Variants in ABCA13 observed in about 807,000 individuals in gnomAD.
ABCA13 encodes ATP binding cassette subfamily A member 13.
A neutral mutation model predicts 478.7 loss-of-function variants in ABCA13; 476 were observed. The observed-to-expected ratio is 0.99, with a 90% CI of 0.92 to 1.07. The LOEUF is 1.07. Ranked by LOEUF, ABCA13 falls within the 50% of genes least tolerant of loss-of-function variation. ABCA13 has a pLI of 0.00. For synonymous variants in ABCA13, 2,252 were observed against 2,158.9 expected (o/e 1.04, Z -1.20); for missense variants, 6,060 against 5,910.6 (o/e 1.03, Z -0.83).
chr7:48,338,248 G>T, intron 28 of ABCA13, 117 bp from the exon 29 acceptor site: 1 of 631,718 alleles, frequency 1.6e-6, no homozygotes, highest in Non-Finnish European at 2.5e-6. Context: ...CTTTTAAGTG[G>T]ATTCAGTTTA....
intron 32 of ABCA13, among the ~76,000 whole-genome samples, chr7:48,371,454 C>T (rs1188793990): frequency 6.6e-6 from 1 of 152,154 alleles, no homozygotes; most frequent in Non-Finnish European, 1.5e-5. Flanking sequence ...TCTCTTATTT[C>T]CTTGAGCAGT....
At chr7:48,329,621 C>T (rs1219454355) in intron 27 of ABCA13, among the ~76,000 whole-genome samples, 1 of 151,844 alleles carries the variant, frequency 6.6e-6, no homozygotes. Flanking sequence ...ATCTGTCCAT[C>T]CATCCATCCA....
chr7:48,243,752 C>T (rs1791240678), intron 10 of ABCA13, among the ~76,000 whole-genome samples: 1 of 152,222 alleles, frequency 6.6e-6, no homozygotes, highest in South Asian at 2.1e-4. Flanking sequence ...AAATGGACGC[C>T]AGGCACTCAA....
intron 38 of ABCA13, among the ~76,000 whole-genome samples, chr7:48,401,915 A>T: frequency 6.6e-6 from 1 of 152,324 alleles, no homozygotes; most frequent in East Asian, 1.9e-4. Context: ...CCAGTTGCAT[A>T]AGATATAATA....
chr7:48,615,882 C>A (rs1264080622), intron 59 of ABCA13, among the ~76,000 whole-genome samples: 1 of 152,156 alleles, frequency 6.6e-6, no homozygotes, highest in Non-Finnish European at 1.5e-5. Context: ...CTAAAGACTT[C>A]TTTCCTGTGC....
chr7:48,471,676 A>C, intron 45 of ABCA13, 77 bp downstream of exon 45: 1 of 1,328,730 alleles, frequency 7.5e-7, no homozygotes, highest in Non-Finnish European at 1.0e-6. Context: ...TATCTATAAA[A>C]TTTTCATATT....
intron 58 of ABCA13, among the ~76,000 whole-genome samples, chr7:48,595,396 T>C (rs181390278): frequency 6.6e-6 from 1 of 152,370 alleles, no homozygotes; most frequent in Non-Finnish European, 1.5e-5. Flanking sequence ...ATACAAATTC[T>C]AATGATGTAA....
chr7:48,524,815 C>T (rs1032720228), intron 54 of ABCA13, among the ~76,000 whole-genome samples: 5 of 152,240 alleles, frequency 3.3e-5, no homozygotes, highest in African/African-American at 7.2e-5. Context: ...TTAAGCCCAT[C>T]TGGCAAAATG....
chr7:48,222,157 C>T (rs141880905), intron 5 of ABCA13, among the ~76,000 whole-genome samples: 1 of 152,130 alleles, frequency 6.6e-6, no homozygotes, highest in South Asian at 2.1e-4. Context: ...AATAATGACA[C>T]TAGCAAAGAG....
At position 48,272,350 on chromosome 7, in the gene ABCA13, G is replaced by A. The variant is rs189083067; in HGVS notation, c.2684G>A (p.Ser895Asn). The A allele has an allele frequency of 3.0e-5, 49 of 1,613,748 alleles. No individual in the cohort carries two copies. The highest frequency in any genetic ancestry group is 2.2e-5 in the East Asian group (1 of 44,860). The change falls in exon 17 of 62, where the codon AGT becomes AAT. Residue 895 changes from serine to asparagine, a missense_variant. Coordinates refer to ENST00000435803, the MANE Select transcript of ABCA13 (RefSeq NM_152701.5). ...ATGAACATAGATTTTGTACGTTTAA[G>A]TGAGGCTATAATAACTAGTCTCCAT... ...PAMNIDFVRL[S>N]EAIITSLHEF...
intron 1 of ABCA13, among the ~76,000 whole-genome samples, chr7:48,182,528 C>G (rs936723770): frequency 9.2e-5 from 14 of 152,072 alleles, no homozygotes; most frequent in Non-Finnish European, 1.8e-4. Flanking sequence ...GAAAGTATTC[C>G]TCATTCATCT....
intron 4 of ABCA13, among the ~76,000 whole-genome samples, chr7:48,219,952 CCTT>C (rs936413761): frequency 6.7e-6 from 1 of 149,548 alleles, no homozygotes; most frequent in Admixed American, 6.7e-5. Context: ...TTCATTTCCT[CCTT>C]CTTGTATATT....
chr7:48,359,861 T>C (rs1810543517), intron 31 of ABCA13, among the ~76,000 whole-genome samples: 1 of 151,946 alleles, frequency 6.6e-6, no homozygotes, highest in Admixed American at 6.5e-5. Flanking sequence ...CTGATAGTGC[T>C]GACAGAGGCA....
intron 23 of ABCA13, among the ~76,000 whole-genome samples, chr7:48,301,738 A>G (rs1230781960): frequency 6.6e-6 from 1 of 152,124 alleles, no homozygotes; most frequent in Non-Finnish European, 1.5e-5. Context: ...CTTGTAATCC[A>G]GGATTCACAG....
At chr7:48,445,492 CT>C (rs1394288500) in intron 42 of ABCA13, among the ~76,000 whole-genome samples, 1 of 152,176 alleles carries the variant, frequency 6.6e-6, no homozygotes, top group African/African-American at 2.4e-5. Flanking sequence ...GATCAAGCTC[CT>C]TCTTGCCCCC....
At chr7:48,312,133 A>G (rs1332577851) in intron 24 of ABCA13, among the ~76,000 whole-genome samples, 1 of 152,220 alleles carries the variant, frequency 6.6e-6, no homozygotes, top group African/African-American at 2.4e-5. Flanking sequence ...TGGAGCTGTG[A>G]TCCCGGAGCC....
intron 41 of ABCA13, among the ~76,000 whole-genome samples, chr7:48,414,350 G>A (rs986202614): frequency 7.2e-5 from 11 of 152,088 alleles, no homozygotes; most frequent in African/African-American, 2.4e-4. Flanking sequence ...TCTCTCCCAT[G>A]GACGCTGAGA....
intron 42 of ABCA13, among the ~76,000 whole-genome samples, chr7:48,434,397 T>C (rs1206733087): frequency 6.6e-5 from 10 of 151,908 alleles, no homozygotes; most frequent in Admixed American, 6.6e-4. Context: ...AGTTCGTTGT[T>C]TTCTGGATAT....
At chr7:48,430,490 A>G (rs1270103378) in intron 42 of ABCA13, among the ~76,000 whole-genome samples, 1 of 152,114 alleles carries the variant, frequency 6.6e-6, no homozygotes, top group East Asian at 1.9e-4. Context: ...CCTGGCCAAC[A>G]TGGTGAAACC....
Sources: allele counts gnomAD v4.1 joint callset (sites outside exome capture counted in the v4.1 genomes callset), GRCh38; gene constraint gnomAD v4.1.1; transcripts MANE v1.5; gene names NCBI Gene and HGNC (gene_info 2026-07-23, HGNC 2026-07-21).